CRLS1: variants seen among roughly 807,000 people sequenced by gnomAD.
CRLS1 encodes the protein cardiolipin synthase 1.
CRLS1 carries 24 observed loss-of-function variants against 37.0 expected under a neutral mutation model. The ratio of observed to expected loss-of-function variants is 0.65; its 90% CI spans 0.47 to 0.91. The LOEUF is 0.91. Among genes scored for constraint, CRLS1 ranks in the 40% least tolerant of loss-of-function variants. The pLI is 0.00. For synonymous variants in CRLS1, 135 were observed against 159.7 expected, an observed-to-expected ratio of 0.85 and a Z score of 1.17; for missense variants, 373 against 395.8, an observed-to-expected ratio of 0.94 and a Z score of 0.49.
Position 6,037,719 on chromosome 20 carries a change from GATA to G in CRLS1, c.*567_*569del, listed in dbSNP as rs1980668220. 2 of 152,228 alleles carry G rather than the reference GATA, an allele frequency of 1.3e-5. No homozygotes were observed. Among genetic ancestry groups the G allele is most frequent in the Non-Finnish European group, 2.9e-5 (2 of 68,034 alleles). 9.4% of individuals were successfully genotyped at this position (152,228 alleles called of 1,614,324 possible). A position where few individuals can be genotyped will look rare whatever the true frequency, so the allele number is the denominator to read the frequency against. On this transcript the variant is annotated 3_prime_UTR_variant, in exon 7 of 7. Transcript: ENST00000378863. ...GATTAAAAATGCGGTAACTTTTTAA[GATA>G]ATAATCATACAGAAGGTATGAAGTT...
chr20:6,013,569 C>G (rs1456002130), intron 2 of CRLS1, among the ~76,000 whole-genome samples: 1 of 152,078 alleles, frequency 6.6e-6, no homozygotes, highest in African/African-American at 2.4e-5. Context: ...CTACGGTTTT[C>G]TTTTTCCTTA....
intron 2 of CRLS1, among the ~76,000 whole-genome samples, chr20:6,014,459 A>G (rs1336080449): frequency 6.6e-6 from 1 of 152,238 alleles, no homozygotes; most frequent in Non-Finnish European, 1.5e-5. Context: ...CCCCTTAGAA[A>G]TAGTATTAGA....
intron 1 of CRLS1, chr20:6,007,356 A>G (rs775069520): frequency 2.5e-6 from 4 of 1,612,588 alleles, no homozygotes; most frequent in African/African-American, 2.7e-5. Flanking sequence ...TGAAGTTGCC[A>G]TATCCTGACT....
intron 3 of CRLS1, among the ~76,000 whole-genome samples, chr20:6,017,288 G>A (rs748827282): frequency 6.6e-6 from 1 of 152,164 alleles, no homozygotes; most frequent in Non-Finnish European, 1.5e-5. Context: ...ACTTGCTACG[G>A]AACAGTCTCT....
chr20:6,009,546 C>T lies in CRLS1; in HGVS notation c.307-229C>T, dbSNP rs58569786. Among the ~76,000 whole-genome samples the T allele has an allele frequency of 4.6e-3, 692 of 152,072 alleles. 8 individuals carry two copies. Among genetic ancestry groups the T allele is most frequent in the African/African-American group, 0.016 (671 of 41,462 alleles). ...CCTCCTGAAGTGCAGGGATTATAGGCGTGAGCCATCATGCCCAGCCATCTT... is the reference window on the plus strand; with the variant it reads ...CCTCCTGAAGTGCAGGGATTATAGGTGTGAGCCATCATGCCCAGCCATCTT... On this transcript the variant is annotated intron_variant, in intron 1 of 6. Transcript: ENST00000378863.
intron 2 of CRLS1, among the ~76,000 whole-genome samples, chr20:6,010,827 C>T (rs1055967969): frequency 6.6e-5 from 10 of 152,086 alleles, no homozygotes; most frequent in African/African-American, 2.2e-4. Flanking sequence ...GATCAACCTG[C>T]ACAACATAGC....
chr20:6,035,077 A>C (rs533695557), intron 6 of CRLS1, among the ~76,000 whole-genome samples: 1 of 152,396 alleles, frequency 6.6e-6, no homozygotes, highest in South Asian at 2.1e-4. Context: ...TCAGAGTTCA[A>C]AATAGTCACA....
intron 3 of CRLS1, among the ~76,000 whole-genome samples, chr20:6,028,062 T>C (rs1415762297): frequency 1.3e-5 from 2 of 152,242 alleles, no homozygotes; most frequent in Non-Finnish European, 2.9e-5. Context: ...TTTTGGAAAG[T>C]AGAATGATGC....
At position 6,040,025 on chromosome 20, in the gene CRLS1, T is replaced by C. The variant is rs536918408; in HGVS notation, c.*2867T>C. On this transcript the variant is annotated 3_prime_UTR_variant, in exon 7 of 7. Coordinates refer to ENST00000378863, the MANE Select transcript of CRLS1 (RefSeq NM_019095.6). ...AACTTGTTACAGCAGCTGCAGGAAA[T>C]TAATAAATGCCAATGTTGAAAATTA... The C allele has an allele frequency of 1.3e-5, 2 of 152,346 alleles. No individual in the cohort carries two copies. The highest frequency in any genetic ancestry group is 4.1e-4 in the South Asian group (2 of 4,828). 9.4% of individuals were successfully genotyped at this position (152,346 alleles called of 1,614,324 possible). A position where few individuals can be genotyped will look rare whatever the true frequency, so the allele number is the denominator to read the frequency against.
In CRLS1 at chr20:6,038,577, G is replaced by A. The variant is rs1481849052; in HGVS notation, c.*1419G>A. The A allele has an allele frequency of 6.6e-6, 1 of 152,336 alleles. No individual in the cohort carries two copies. The highest frequency in any genetic ancestry group is 1.5e-5 in the Non-Finnish European group (1 of 68,144). The allele number at this position is 152,336 out of a possible 1,614,324, so 9.4% of individuals were successfully genotyped here. A position where few individuals can be genotyped will look rare whatever the true frequency, so the allele number is the denominator to read the frequency against. ...GAGGGGGATGAAAAAGCAGAGAAGG[G>A]GGCATGTGGCTGGCTATTCTTGCTC... On this transcript the variant is annotated 3_prime_UTR_variant, in exon 7 of 7. Coordinates refer to ENST00000378863, the MANE Select transcript of CRLS1 (RefSeq NM_019095.6).
chr20:6,026,154 T>A (rs1002118049), intron 3 of CRLS1: 4 of 152,260 alleles, frequency 2.6e-5, no homozygotes, highest in African/African-American at 4.8e-5. Flanking sequence ...CAAACTTGAT[T>A]GTTGTCTTAT....
Position 6,037,991 on chromosome 20 carries a change from G to C in CRLS1, c.*833G>C, listed in dbSNP as rs1980693165. Reference sequence around the variant, plus strand: ...ATTTTTCAAAGGTTTTTTAAACTTTGGAGACTCTTTCTTTTGTTAAGCAGT... The same window carrying C: ...ATTTTTCAAAGGTTTTTTAAACTTTCGAGACTCTTTCTTTTGTTAAGCAGT... On this transcript the variant is annotated 3_prime_UTR_variant, in exon 7 of 7. Transcript: ENST00000378863. 6.6e-6 allele frequency: 1 copy of C among 152,034 alleles called. No homozygotes were observed. Among genetic ancestry groups the C allele is most frequent in the Non-Finnish European group, 1.5e-5 (1 of 68,012 alleles). 9.4% of individuals were successfully genotyped at this position (152,034 alleles called of 1,614,324 possible). A position where few individuals can be genotyped will look rare whatever the true frequency, so the allele number is the denominator to read the frequency against.
rs1247940709 is a variant in CRLS1 at position 6,037,711 on chromosome 20, C to A, written c.*553C>A. ...ATAAAAGAGATTAAAAATGCGGTAA[C>A]TTTTTAAGATAATAATCATACAGAA... is the stretch of plus-strand genomic sequence containing the variant. On this transcript the variant is annotated 3_prime_UTR_variant, in exon 7 of 7. Coordinates refer to ENST00000378863, the MANE Select transcript of CRLS1 (RefSeq NM_019095.6). 1 of 152,134 alleles carries A rather than the reference C, an allele frequency of 6.6e-6. No individual in the cohort carries two copies. Among genetic ancestry groups the A allele is most frequent in the Non-Finnish European group, 1.5e-5 (1 of 68,030 alleles). 9.4% of individuals were successfully genotyped at this position (152,134 alleles called of 1,614,324 possible).
chr20:6,025,293 A>G (rs1216649859), intron 3 of CRLS1, among the ~76,000 whole-genome samples: 1 of 152,240 alleles, frequency 6.6e-6, no homozygotes, highest in Non-Finnish European at 1.5e-5. Context: ...GCCCTTAAGC[A>G]TTATGCTAAA....
chr20:6,018,689 T>C (rs534658027), intron 3 of CRLS1, among the ~76,000 whole-genome samples: 1 of 152,348 alleles, frequency 6.6e-6, no homozygotes, highest in South Asian at 2.1e-4. Flanking sequence ...TTGCTCATGC[T>C]GATCTTGAAC....
chr20:6,030,709 G>T (rs888682642), intron 3 of CRLS1, among the ~76,000 whole-genome samples: 8 of 151,546 alleles, frequency 5.3e-5, no homozygotes, highest in Non-Finnish European at 1.0e-4. Context: ...ACAAAGCAAG[G>T]CTCTGTCTCA....
chr20:6,039,685 C>CAAG lies in CRLS1; in HGVS notation c.*2529_*2531dup, dbSNP rs1334527257. On this transcript the variant is annotated 3_prime_UTR_variant, in exon 7 of 7. Transcript: ENST00000378863. ...GAAATAGGGTCTTTTTAGATGCAGT[C>CAAG]AAGATAGAATTAGATCATACTGGAT... 6.7e-6 allele frequency: 1 copy of CAAG among 148,588 alleles called. No individual in the cohort carries two copies. Among genetic ancestry groups the CAAG allele is most frequent in the Admixed American group, 6.8e-5 (1 of 14,784 alleles). 9.2% of individuals were successfully genotyped at this position (148,588 alleles called of 1,614,324 possible). A position where few individuals can be genotyped will look rare whatever the true frequency, so the allele number is the denominator to read the frequency against.
intron 3 of CRLS1, among the ~76,000 whole-genome samples, chr20:6,019,467 G>A (rs1050818997): frequency 6.7e-6 from 1 of 149,368 alleles, no homozygotes; most frequent in Non-Finnish European, 1.5e-5. Context: ...ATGTCTGTAG[G>A]ATATGTAGTA....
intron 1 of CRLS1, among the ~76,000 whole-genome samples, chr20:6,009,247 C>T (rs1430775258): frequency 2.0e-5 from 3 of 151,028 alleles, no homozygotes; most frequent in Admixed American, 1.3e-4. Flanking sequence ...CACTTGAACC[C>T]GGGAGGTGGA....
Sources: gnomAD v4.1 joint callset for allele counts (sites outside exome capture counted in the v4.1 genomes callset) on GRCh38, gnomAD v4.1.1 for gene constraint, MANE v1.5 for transcripts, NCBI Gene and HGNC (gene_info 2026-07-23, HGNC 2026-07-21) for gene names.